TMC5: variants seen among roughly 807,000 people sequenced by gnomAD.
TMC5 encodes transmembrane channel like 5.
TMC5 carries 86 observed loss-of-function variants against 110.5 expected under a neutral mutation model. That is an observed-to-expected ratio of 0.78 (90% CI 0.65 to 0.93). The LOEUF (loss-of-function observed/expected upper bound fraction) is 0.93. Ranked by LOEUF, TMC5 falls within the 40% of genes least tolerant of loss-of-function variation. The pLI is 0.00. For missense variants in TMC5, 1,144 were observed against 1,222.8 expected (o/e 0.94, Z 0.96); for synonymous variants, 455 against 439.5 (o/e 1.04, Z -0.44).
chr16:19,455,383 T>C lies in TMC5; in HGVS notation c.1049-4852T>C, dbSNP rs141291710. 5.0e-3 allele frequency among the ~76,000 whole-genome samples: 764 copies of C among 152,228 alleles called. 8 individuals carry two copies. Among genetic ancestry groups the C allele is most frequent in the African/African-American group, 0.017 (710 of 41,542 alleles). On this transcript the variant is annotated intron_variant, in intron 5 of 21. Transcript: ENST00000542583. ...CTGCAGTGAGCCAAGATCATGCCAC[T>C]GTACTCCAGCCTGGGCAACAGAGAG...
At chr16:19,439,723 C>G (rs1967435981) in intron 2 of TMC5, among the ~76,000 whole-genome samples, 1 of 152,176 alleles carries the variant, frequency 6.6e-6, no homozygotes, top group African/African-American at 2.4e-5. Context: ...GGAGAAATAA[C>G]CTCTTTCCTC....
At position 19,466,161 on chromosome 16, in the gene TMC5, A is replaced by G. The variant is rs1455104565; in HGVS notation, c.1565A>G (p.Tyr522Cys). 6.2e-7 allele frequency: 1 copy of G among 1,614,154 alleles called. No homozygotes were observed. The highest frequency in any genetic ancestry group is 1.1e-5 in the South Asian group (1 of 91,090). The part of the protein sequence containing the change: ...TIQHGNSGAS[Y>C]NMQLAYIFTI... Reference sequence around the variant, plus strand: ...CAGCACGGGAACAGCGGGGCATCCTACAACATGCAGCTGGCCTACATCTTC... The same window carrying G: ...CAGCACGGGAACAGCGGGGCATCCTGCAACATGCAGCTGGCCTACATCTTC... Residue 522 changes from tyrosine to cysteine, a missense_variant, in exon 9 of 22, where the codon TAC (tyrosine) becomes TGC (cysteine). Coordinates refer to ENST00000542583, the MANE Select transcript of TMC5 (RefSeq NM_001261841.2).
At chr16:19,487,650 C>T (rs1374565671) in intron 17 of TMC5, among the ~76,000 whole-genome samples, 2 of 151,712 alleles carry the variant, frequency 1.3e-5, no homozygotes, top group East Asian at 1.9e-4. Context: ...TGCAGTGAGC[C>T]AAGATTGCAC....
At chr16:19,434,252 T>A (rs1410385422) in intron 2 of TMC5, among the ~76,000 whole-genome samples, 3 of 49,992 alleles carry the variant, frequency 6.0e-5, no homozygotes, top group African/African-American at 8.3e-5. Context: ...CTATCTAAAA[T>A]ATATATATCT....
chr16:19,438,417 A>AG (rs374100775), intron 2 of TMC5, among the ~76,000 whole-genome samples: 6 of 73,880 alleles, frequency 8.1e-5, no homozygotes, highest in South Asian at 5.4e-4. Context: ...AAGAAGAAAG[A>AG]AAAGAAAAAG....
intron 14 of TMC5, 148 bp from the exon 15 acceptor site, chr16:19,481,222 G>A: frequency 1.6e-6 from 1 of 631,298 alleles, no homozygotes. Flanking sequence ...CATGCTTATA[G>A]ATTTAGAACT....
intron 1 of TMC5, among the ~76,000 whole-genome samples, chr16:19,426,605 C>G (rs569053545): frequency 6.6e-6 from 1 of 152,158 alleles, no homozygotes; most frequent in African/African-American, 2.4e-5. Context: ...CAGAGACGGG[C>G]GTCCTCCTTC....
At chr16:19,489,430 G>A (rs1223534057) in intron 17 of TMC5, among the ~76,000 whole-genome samples, 2 of 152,110 alleles carry the variant, frequency 1.3e-5, no homozygotes, top group Non-Finnish European at 2.9e-5. Flanking sequence ...CGCCTCCCAG[G>A]TTCACGCCCT....
Position 19,449,613 on chromosome 16 carries a change from T to C in TMC5, c.1030T>C (p.Trp344Arg), listed in dbSNP as rs775775339. 6.2e-7 allele frequency: 1 copy of C among 1,614,190 alleles called. No individual in the cohort carries two copies. Among genetic ancestry groups the C allele is most frequent in the Non-Finnish European group, 8.5e-7 (1 of 1,180,030 alleles). ...YGNPPLSECD[W>R]HKSPQGQKLI... Reference sequence around the variant, plus strand: ...AAACCCACCATTGTCTGAATGTGATTGGCACAAGTCACCCCAAGGTAAGTG... The same window carrying C: ...AAACCCACCATTGTCTGAATGTGATCGGCACAAGTCACCCCAAGGTAAGTG... Residue 344 changes from tryptophan (W) to arginine (R), a missense_variant, in exon 5 of 22, where the codon TGG (tryptophan) becomes CGG (arginine). Coordinates refer to ENST00000542583, the MANE Select transcript of TMC5 (RefSeq NM_001261841.2).
At chr16:19,448,438 T>C (rs1283393346) in intron 4 of TMC5, among the ~76,000 whole-genome samples, 1 of 151,508 alleles carries the variant, frequency 6.6e-6, no homozygotes, top group East Asian at 1.9e-4. Context: ...GATAACATGG[T>C]GAAACCCCCT....
chr16:19,457,706 A>ATTATTTT lies in TMC5; in HGVS notation c.1049-2527_1049-2526insATTTTTT. Reference sequence around the variant, plus strand: ...AGGTCTATCTGATTCCCAAGACTACATTCTTTTTTTTTTTTTTTTTTTTTT... The same window carrying ATTATTTT: ...AGGTCTATCTGATTCCCAAGACTACATTATTTTTTCTTTTTTTTTTTTTTTTTTTTTT... On this transcript the variant is annotated intron_variant, in intron 5 of 21. Coordinates refer to ENST00000542583, the MANE Select transcript of TMC5 (RefSeq NM_001261841.2). Among the ~76,000 whole-genome samples the ATTATTTT allele has an allele frequency of 4.9e-5, 2 of 41,078 alleles. 1 individual carries two copies. The highest frequency in any genetic ancestry group is 1.6e-4 in the Non-Finnish European group (2 of 12,454). The allele number at this position is 41,078 out of a possible 152,430, so 26.9% of individuals were successfully genotyped here. A position where few individuals can be genotyped will look rare whatever the true frequency, so the allele number is the denominator to read the frequency against.
At chr16:19,442,752 G>T (rs999007318) in intron 3 of TMC5, among the ~76,000 whole-genome samples, 46 of 152,172 alleles carry the variant, frequency 3.0e-4, no homozygotes, top group Admixed American at 3.3e-4. Context: ...TTATGAATTT[G>T]ATAAAAAACT....
At chr16:19,473,818 A>G (rs565584020) in intron 11 of TMC5, among the ~76,000 whole-genome samples, 2 of 152,182 alleles carry the variant, frequency 1.3e-5, no homozygotes, top group African/African-American at 2.4e-5. Flanking sequence ...CATCTCTACT[A>G]AAAATACAAA....
Position 19,498,048 on chromosome 16 carries a change from T to G in TMC5, c.*82T>G. ...GATTTCTTCCATGCCACCTGTGCCT[T>G]TAGGAACTGCCCAGAAGAAAATCCA... On this transcript the variant is annotated 3_prime_UTR_variant, in exon 22 of 22. Coordinates refer to ENST00000542583, the MANE Select transcript of TMC5 (RefSeq NM_001261841.2). The G allele has an allele frequency of 7.3e-7, 1 of 1,362,454 alleles. No homozygotes were observed. Among genetic ancestry groups the G allele is most frequent in the Non-Finnish European group, 1.1e-6 (1 of 951,404 alleles). The allele number at this position is 1,362,454 out of a possible 1,614,324, so 84.4% of individuals were successfully genotyped here. A position where few individuals can be genotyped will look rare whatever the true frequency, so the allele number is the denominator to read the frequency against.
intron 9 of TMC5, among the ~76,000 whole-genome samples, chr16:19,466,962 T>C (rs529824430): frequency 3.3e-5 from 5 of 151,960 alleles, no homozygotes; most frequent in Admixed American, 1.3e-4. Flanking sequence ...CTGGGCAACA[T>C]ACCAAAACCC....
intron 5 of TMC5, among the ~76,000 whole-genome samples, 180 bp from the exon 6 acceptor site, chr16:19,460,055 C>T (rs1967982063): frequency 6.6e-6 from 1 of 151,964 alleles, no homozygotes; most frequent in Non-Finnish European, 1.5e-5. Flanking sequence ...TTCATTTGCT[C>T]TCACTTTGAG....
intron 12 of TMC5, among the ~76,000 whole-genome samples, chr16:19,475,179 T>C (rs1370373983): frequency 6.6e-6 from 1 of 152,146 alleles, no homozygotes; most frequent in Non-Finnish European, 1.5e-5. Context: ...CCCAGCACTT[T>C]GGGAGGCCAA....
chr16:19,463,483 A>G (rs1214387401), intron 7 of TMC5, 116 bp downstream of exon 7: 2 of 965,182 alleles, frequency 2.1e-6, no homozygotes, highest in Admixed American at 3.5e-5. Flanking sequence ...CATTGCCCAG[A>G]GCCAACGGTT....
rs572005532 is a variant in TMC5, at chr16:19,430,492, A to G, written c.-228A>G. 6.6e-6 allele frequency: 1 copy of G among 152,430 alleles called. No homozygotes were observed. Among genetic ancestry groups the G allele is most frequent in the Admixed American group, 6.5e-5 (1 of 15,272 alleles). The allele number at this position is 152,430 out of a possible 1,614,324, so 9.4% of individuals were successfully genotyped here. On this transcript the variant is annotated 5_prime_UTR_variant, in exon 2 of 22. Transcript: ENST00000542583. The stretch of plus-strand genomic sequence containing the variant: ...CATCACAGATTATAACCCTCCGTAA[A>G]TCATCTGCATCCCAGCTCCCATCAA...
Sources: allele counts gnomAD v4.1 joint callset (sites outside exome capture counted in the v4.1 genomes callset), GRCh38; gene constraint gnomAD v4.1.1; transcripts MANE v1.5; gene names NCBI Gene and HGNC (gene_info 2026-07-23, HGNC 2026-07-21).